Variants in CDKAL1 observed in about 807,000 individuals in gnomAD.
CDKAL1 encodes threonylcarbamoyladenosine tRNA methylthiotransferase.
CDKAL1 carries 32 observed loss-of-function variants against 68.2 expected under a neutral mutation model. That is an observed-to-expected ratio of 0.47 (90% CI 0.35 to 0.63). The LOEUF (loss-of-function observed/expected upper bound fraction) is 0.63, where lower values mean the gene tolerates loss of function less well. CDKAL1 is among the 30% of genes least tolerant of loss of function. The pLI is 0.00. For missense variants in CDKAL1, 606 were observed against 696.7 expected, an observed-to-expected ratio of 0.87 and a Z score of 1.47; for synonymous variants, 234 against 244.3, an observed-to-expected ratio of 0.96 and a Z score of 0.39.
intron 13 of CDKAL1, among the ~76,000 whole-genome samples, chr6:21,175,079 A>G (rs555960939): frequency 1.3e-5 from 2 of 152,240 alleles, no homozygotes; most frequent in African/African-American, 4.8e-5. Context: ...ATCTCTCTGG[A>G]TGGATTATGG....
chr6:21,216,222 T>C (rs913310456), intron 15 of CDKAL1, among the ~76,000 whole-genome samples: 1 of 152,216 alleles, frequency 6.6e-6, no homozygotes, highest in Non-Finnish European at 1.5e-5. Context: ...CAGTTTATGG[T>C]AATTTGTTAC....
chr6:20,946,425 A>G (rs896361751), intron 9 of CDKAL1, among the ~76,000 whole-genome samples: 4 of 152,172 alleles, frequency 2.6e-5, no homozygotes, highest in East Asian at 1.9e-4. Flanking sequence ...CCTATCAAAA[A>G]TAAGTGTCTT....
At chr6:20,766,200 A>G (rs9356752) in intron 7 of CDKAL1, among the ~76,000 whole-genome samples, 67,892 of 151,814 alleles carry the variant, frequency 0.45, 15,396 homozygotes, top group South Asian at 0.51. Context: ...GATCAAAGAT[A>G]CATTTTTTTT....
intron 7 of CDKAL1, among the ~76,000 whole-genome samples, chr6:20,759,582 A>G (rs1774378631): frequency 6.6e-6 from 1 of 152,196 alleles, no homozygotes; most frequent in Non-Finnish European, 1.5e-5. Flanking sequence ...TTATTTGTAC[A>G]TTTTGTTATC....
intron 5 of CDKAL1, among the ~76,000 whole-genome samples, chr6:20,650,018 TG>T (rs1768677732): frequency 6.6e-6 from 1 of 152,232 alleles, no homozygotes; most frequent in Non-Finnish European, 1.5e-5. Flanking sequence ...AGTGCTGCAA[TG>T]AACATATGTG....
At chr6:20,717,115 A>G (rs1772134596) in intron 5 of CDKAL1, among the ~76,000 whole-genome samples, 1 of 152,012 alleles carries the variant, frequency 6.6e-6, no homozygotes, top group Non-Finnish European at 1.5e-5. Context: ...GGAGAGGTGG[A>G]CACACAAGAC....
chr6:21,175,798 A>G (rs1394149038), intron 13 of CDKAL1, among the ~76,000 whole-genome samples: 1 of 152,256 alleles, frequency 6.6e-6, no homozygotes, highest in Non-Finnish European at 1.5e-5. Flanking sequence ...AAGGTCTTCT[A>G]ATAAAGAAGG....
intron 11 of CDKAL1, among the ~76,000 whole-genome samples, chr6:21,059,900 C>T (rs1206824276): frequency 6.6e-6 from 1 of 151,988 alleles, no homozygotes; most frequent in Admixed American, 6.6e-5. Context: ...GTTTTTTTAT[C>T]CCTCGCTCCT....
intron 11 of CDKAL1, among the ~76,000 whole-genome samples, chr6:21,059,034 G>A (rs1346144863): frequency 6.6e-6 from 1 of 152,228 alleles, no homozygotes; most frequent in Non-Finnish European, 1.5e-5. Context: ...GCTGAACCAT[G>A]GAGATTGCAG....
chr6:21,137,391 C>A (rs1454961329), intron 13 of CDKAL1, among the ~76,000 whole-genome samples: 1 of 152,088 alleles, frequency 6.6e-6, no homozygotes, highest in Admixed American at 6.5e-5. Flanking sequence ...CCGCCACATG[C>A]AGATTTATCA....
chr6:21,150,461 A>G (rs547771736), intron 13 of CDKAL1, among the ~76,000 whole-genome samples: 1 of 152,282 alleles, frequency 6.6e-6, no homozygotes, highest in Admixed American at 6.5e-5. Flanking sequence ...AGTTTGTTGT[A>G]ATGAAATTTT....
intron 11 of CDKAL1, among the ~76,000 whole-genome samples, chr6:21,043,417 A>G (rs1489784582): frequency 6.6e-6 from 1 of 152,094 alleles, no homozygotes; most frequent in Non-Finnish European, 1.5e-5. Flanking sequence ...AGGTTCTTTC[A>G]GACTCCAAAA....
intron 7 of CDKAL1, among the ~76,000 whole-genome samples, chr6:20,767,031 G>A (rs910418204): frequency 1.3e-5 from 2 of 151,984 alleles, no homozygotes; most frequent in African/African-American, 4.8e-5. Flanking sequence ...TTTTTTTCAT[G>A]TTATATTCTT....
intron 11 of CDKAL1, among the ~76,000 whole-genome samples, chr6:21,031,526 G>T (rs1769291463): frequency 6.6e-6 from 1 of 151,916 alleles, no homozygotes; most frequent in South Asian, 2.1e-4. Context: ...CAGGGGCTGG[G>T]AGTTCGGGGA....
chr6:20,870,051 TA>T (rs2150539194), intron 9 of CDKAL1, among the ~76,000 whole-genome samples: 1 of 152,340 alleles, frequency 6.6e-6, no homozygotes, highest in East Asian at 1.9e-4. Flanking sequence ...ATGTTCCACT[TA>T]GAGAATCCCC....
At chr6:21,112,330 AT>A (rs1190995110) in intron 13 of CDKAL1, among the ~76,000 whole-genome samples, 1 of 152,250 alleles carries the variant, frequency 6.6e-6, no homozygotes, top group Non-Finnish European at 1.5e-5. Context: ...ATTCTAAAAA[AT>A]TGAAATGCTT....
intron 9 of CDKAL1, among the ~76,000 whole-genome samples, chr6:20,951,427 T>G (rs1764518622): frequency 6.6e-6 from 1 of 152,204 alleles, no homozygotes; most frequent in Admixed American, 6.5e-5. Flanking sequence ...TCTTTTATTA[T>G]CAAACTTTTA....
chr6:20,711,762 G>A (rs1393334734), intron 5 of CDKAL1, among the ~76,000 whole-genome samples: 6 of 152,076 alleles, frequency 3.9e-5, no homozygotes, highest in Non-Finnish European at 8.8e-5. Context: ...GTTTGTTTGT[G>A]GTATCTTCGT....
At chr6:20,561,412 A>AGCC (rs1199079404) in intron 4 of CDKAL1, among the ~76,000 whole-genome samples, 3 of 135,384 alleles carry the variant, frequency 2.2e-5, no homozygotes, top group African/African-American at 8.3e-5. Context: ...ACTGCACTCC[A>AGCC]GCCTGGGCGA....
Sources: allele counts gnomAD v4.1 joint callset (sites outside exome capture counted in the v4.1 genomes callset), GRCh38; gene constraint gnomAD v4.1.1; transcripts MANE v1.5; gene names NCBI Gene and HGNC (gene_info 2026-07-23, HGNC 2026-07-21).